The following TENM4 variants were observed in gnomAD, a reference collection of about 807,000 sequenced individuals.
TENM4 encodes teneurin-4.
TENM4 carries 82 observed loss-of-function variants against 243.3 expected under a neutral mutation model. That is an observed-to-expected ratio of 0.34 (90% confidence interval 0.28 to 0.40). TENM4 has a LOEUF of 0.40. Ranked by LOEUF, TENM4 falls within the 10% of genes least tolerant of loss-of-function variation. TENM4 has a pLI of 1.00. For missense variants in TENM4, 3,138 were observed against 3,673.3 expected, an observed-to-expected ratio of 0.85 and a Z score of 3.77; for synonymous variants, 1,412 against 1,456.3, an observed-to-expected ratio of 0.97 and a Z score of 0.69.
chr11:79,068,334 C>T (rs1223248818), intron 5 of TENM4: 2 of 152,234 alleles, frequency 1.3e-5, no homozygotes, highest in African/African-American at 4.8e-5. Flanking sequence ...AATGGCAGAG[C>T]CACAGTTCAA....
chr11:79,159,139 A>G (rs1390341149), intron 3 of TENM4, among the ~76,000 whole-genome samples: 3 of 152,178 alleles, frequency 2.0e-5, no homozygotes, highest in African/African-American at 7.2e-5. Context: ...CAGAGCTATA[A>G]GAGGGGGGCT....
chr11:79,354,884 A>G (rs1418255475), intron 1 of TENM4, among the ~76,000 whole-genome samples: 1 of 152,190 alleles, frequency 6.6e-6, no homozygotes, highest in Non-Finnish European at 1.5e-5. Context: ...ATAATATTCT[A>G]TGTGTGCAGT....
intron 1 of TENM4, among the ~76,000 whole-genome samples, chr11:79,319,443 C>CT (rs1381234204): frequency 1.1e-4 from 16 of 152,014 alleles, no homozygotes; most frequent in Non-Finnish European, 1.9e-4. Context: ...CAGCATGCTC[C>CT]TTTTTTTGTT....
chr11:78,805,800 C>T (rs1857377173), intron 14 of TENM4, among the ~76,000 whole-genome samples: 1 of 152,184 alleles, frequency 6.6e-6, no homozygotes, highest in Admixed American at 6.5e-5. Context: ...CCTCCTAGAA[C>T]ATTGCCTAGC....
intron 27 of TENM4, among the ~76,000 whole-genome samples, chr11:78,704,265 C>T (rs536549592): frequency 1.7e-4 from 25 of 148,508 alleles, no homozygotes; most frequent in African/African-American, 4.7e-4. Context: ...ATTTGCCTAC[C>T]GTGGCCTTCC....
At chr11:79,151,081 C>T (rs1357299450) in intron 3 of TENM4, among the ~76,000 whole-genome samples, 1 of 152,176 alleles carries the variant, frequency 6.6e-6, no homozygotes, top group Admixed American at 6.6e-5. Flanking sequence ...TTAACTCATC[C>T]TGCCTTCCTA....
chr11:78,867,386 A>G (rs1859008806), intron 9 of TENM4, among the ~76,000 whole-genome samples: 1 of 152,218 alleles, frequency 6.6e-6, no homozygotes, highest in Non-Finnish European at 1.5e-5. Flanking sequence ...TAAAGGGGAC[A>G]TTTAATCTGT....
chr11:79,183,368 A>G (rs1011164718), intron 3 of TENM4, among the ~76,000 whole-genome samples: 3 of 152,232 alleles, frequency 2.0e-5, no homozygotes, highest in African/African-American at 7.2e-5. Context: ...GGAGACAGTG[A>G]AAAGATCAGT....
intron 12 of TENM4, among the ~76,000 whole-genome samples, chr11:78,839,730 T>C (rs1858207468): frequency 1.3e-5 from 2 of 152,242 alleles, no homozygotes; most frequent in South Asian, 4.1e-4. Context: ...CCAGGAACCA[T>C]AATATTGACT....
intron 3 of TENM4, among the ~76,000 whole-genome samples, chr11:79,199,754 T>C (rs1166542940): frequency 1.3e-5 from 2 of 152,204 alleles, no homozygotes; most frequent in African/African-American, 4.8e-5. Flanking sequence ...TCTAAAATTT[T>C]TCAGGAACAT....
chr11:79,397,719 T>C (rs986679094), intron 1 of TENM4, among the ~76,000 whole-genome samples: 7 of 152,170 alleles, frequency 4.6e-5, no homozygotes, highest in African/African-American at 7.2e-5. Context: ...AGTACTTCTA[T>C]TGGCAATGTT....
At chr11:79,285,206 C>T (rs1285466011) in intron 2 of TENM4, among the ~76,000 whole-genome samples, 1 of 151,808 alleles carries the variant, frequency 6.6e-6, no homozygotes, top group Non-Finnish European at 1.5e-5. Flanking sequence ...TCACTGCACT[C>T]TAGCCTGGCA....
chr11:78,699,129 T>G (rs1039162483), intron 28 of TENM4, among the ~76,000 whole-genome samples: 2 of 150,438 alleles, frequency 1.3e-5, no homozygotes, highest in Non-Finnish European at 2.9e-5. Context: ...ATTGCTTGCA[T>G]TAACAACAAC....
At chr11:79,113,858 C>G (rs184005734) in intron 4 of TENM4, among the ~76,000 whole-genome samples, 2 of 152,274 alleles carry the variant, frequency 1.3e-5, no homozygotes, top group Non-Finnish European at 2.9e-5. Context: ...GAGACCAAGA[C>G]TTGTGTTTGA....
chr11:79,416,670 C>T (rs756113340), intron 1 of TENM4, among the ~76,000 whole-genome samples: 7 of 152,072 alleles, frequency 4.6e-5, no homozygotes, highest in South Asian at 2.1e-4. Flanking sequence ...TATTAAGATC[C>T]GGGTTTCCAG....
rs748416402 is a variant in TENM4, at chr11:78,669,637, T to C, written c.6708A>G (p.Pro2236=). The change falls in exon 32 of 34, where the codon CCA becomes CCG. Residue 2236 remains proline, a synonymous_variant. Transcript: ENST00000278550. The surrounding 1 kb of genome is among the most constrained non-coding windows in gnomAD (Gnocchi z 6.4). ...LSPGNSARLT[P]LRYDIRDRIT... ...TGCGGTCGCGGATGTCATACCGTAG[T>C]GGTGTGAGCCGTGCACTGTTCCCAG... The C allele has an allele frequency of 1.2e-5, 19 of 1,613,820 alleles. No individual in the cohort carries two copies. The South Asian group carries it at 1.9e-4, about 16-fold the overall frequency.
chr11:79,092,287 G>T (rs184974017), intron 4 of TENM4, among the ~76,000 whole-genome samples: 179 of 152,306 alleles, frequency 1.2e-3, no homozygotes, highest in African/African-American at 4.2e-3. Context: ...ACAGGTTTGT[G>T]GCAATGCGTG....
At chr11:79,289,717 T>C (rs1856321346) in intron 2 of TENM4, among the ~76,000 whole-genome samples, 1 of 152,232 alleles carries the variant, frequency 6.6e-6, no homozygotes, top group African/African-American at 2.4e-5. Flanking sequence ...TTCAACCTAC[T>C]ACATCAAGTA....
At chr11:79,252,705 C>A (rs1007973955) in intron 2 of TENM4, among the ~76,000 whole-genome samples, 1 of 152,142 alleles carries the variant, frequency 6.6e-6, no homozygotes, top group African/African-American at 2.4e-5. Context: ...GAGTGCATTT[C>A]CCTACCCACT....
Sources: gnomAD v4.1 joint callset for allele counts (sites outside exome capture counted in the v4.1 genomes callset) on GRCh38, gnomAD v4.1.1 for gene constraint, Gnocchi (gnomAD v3.1) non-coding constraint, MANE v1.5 for transcripts, NCBI Gene and HGNC (gene_info 2026-07-23, HGNC 2026-07-21) for gene names.